DSCAM: variants seen among roughly 807,000 people sequenced by gnomAD.
DSCAM encodes the protein cell adhesion molecule DSCAM.
DSCAM carries 47 observed loss-of-function variants against 217.7 expected under a neutral mutation model. That is an observed-to-expected ratio of 0.22 (90% CI 0.17 to 0.28). DSCAM has a LOEUF of 0.28. Among genes scored for constraint, DSCAM ranks in the 10% least tolerant of loss-of-function variants. DSCAM has a pLI of 1.00. For missense variants in DSCAM, 2,080 were observed against 2,618.3 expected (o/e 0.79, Z 4.49); for synonymous variants, 1,056 against 1,015.3 (o/e 1.04, Z -0.76).
At chr21:40,518,710 A>G (rs1171381113) in intron 3 of DSCAM, among the ~76,000 whole-genome samples, 1 of 145,740 alleles carries the variant, frequency 6.9e-6, no homozygotes, top group Non-Finnish European at 1.5e-5. Context: ...ATATACACAC[A>G]CACCACCTAA....
chr21:40,338,705 C>T (rs1217789374), intron 7 of DSCAM, among the ~76,000 whole-genome samples: 2 of 152,170 alleles, frequency 1.3e-5, no homozygotes, highest in African/African-American at 4.8e-5. Flanking sequence ...AACACACTGG[C>T]AGCAATTGAT....
chr21:40,037,960 C>T (rs1049941601), intron 32 of DSCAM, among the ~76,000 whole-genome samples: 2 of 145,800 alleles, frequency 1.4e-5, no homozygotes, highest in African/African-American at 5.1e-5. Flanking sequence ...AACTGGCTAG[C>T]CATATGTAGA....
intron 1 of DSCAM, among the ~76,000 whole-genome samples, chr21:40,830,847 G>C (rs1473622012): frequency 6.6e-6 from 1 of 152,170 alleles, no homozygotes; most frequent in Non-Finnish European, 1.5e-5. Flanking sequence ...GATTCTGTCA[G>C]TATTACCATA....
At chr21:40,133,307 A>C (rs2090172848) in intron 19 of DSCAM, among the ~76,000 whole-genome samples, 1 of 152,240 alleles carries the variant, frequency 6.6e-6, no homozygotes, top group Admixed American at 6.5e-5. Flanking sequence ...TTGTTGTAGA[A>C]CAAAATGAGC....
At chr21:40,784,983 T>C (rs2091580267) in intron 1 of DSCAM, among the ~76,000 whole-genome samples, 1 of 152,202 alleles carries the variant, frequency 6.6e-6, no homozygotes, top group East Asian at 1.9e-4. Context: ...TTTATATCCA[T>C]TTAAAATATA....
intron 4 of DSCAM, among the ~76,000 whole-genome samples, chr21:40,354,776 G>A (rs2074672614): frequency 1.3e-5 from 2 of 150,312 alleles, no homozygotes; most frequent in African/African-American, 4.9e-5. Context: ...ATGAACCTGG[G>A]AGGCAGAGCT....
intron 28 of DSCAM, among the ~76,000 whole-genome samples, chr21:40,057,087 C>A (rs2089037554): frequency 6.6e-6 from 1 of 152,154 alleles, no homozygotes; most frequent in South Asian, 2.1e-4. Context: ...CAAATTATCC[C>A]ATGAAAAAGA....
chr21:40,296,649 C>T (rs1048384865), intron 9 of DSCAM, among the ~76,000 whole-genome samples: 1 of 151,720 alleles, frequency 6.6e-6, no homozygotes, highest in African/African-American at 2.4e-5. Flanking sequence ...CTGACCAACA[C>T]GGAGAAACCC....
chr21:40,497,714 G>C (rs2076130644), intron 3 of DSCAM, among the ~76,000 whole-genome samples: 1 of 152,108 alleles, frequency 6.6e-6, no homozygotes. Context: ...AAAACATCCT[G>C]TTGTACACAA....
intron 11 of DSCAM, among the ~76,000 whole-genome samples, chr21:40,261,434 CA>C (rs2073448653): frequency 5.3e-5 from 8 of 152,038 alleles, no homozygotes; most frequent in Admixed American, 6.6e-5. Context: ...CTGAAAAGAA[CA>C]AAAAGATTGA....
intron 2 of DSCAM, among the ~76,000 whole-genome samples, chr21:40,705,062 G>A (rs1260433735): frequency 1.3e-5 from 2 of 152,172 alleles, no homozygotes; most frequent in Non-Finnish European, 2.9e-5. Flanking sequence ...GGATGATTTA[G>A]CAGGATTCTT....
At chr21:40,292,676 A>G (rs1380499398) in intron 10 of DSCAM, among the ~76,000 whole-genome samples, 3 of 152,146 alleles carry the variant, frequency 2.0e-5, no homozygotes, top group Admixed American at 1.3e-4. Context: ...ATTTATCCCC[A>G]GGGATAAATG....
At chr21:40,304,084 C>T (rs569363329) in intron 9 of DSCAM, among the ~76,000 whole-genome samples, 6 of 152,336 alleles carry the variant, frequency 3.9e-5, no homozygotes, top group African/African-American at 1.4e-4. Context: ...CATCAGTCCA[C>T]TGTCATAAGA....
chr21:40,380,979 C>T (rs1471036622), intron 3 of DSCAM, among the ~76,000 whole-genome samples: 2 of 137,682 alleles, frequency 1.5e-5, no homozygotes, highest in Non-Finnish European at 3.1e-5. Context: ...AGGAGAATGG[C>T]GGGAACCCGG....
At chr21:40,615,668 A>T (rs188972795) in intron 3 of DSCAM, among the ~76,000 whole-genome samples, 5 of 152,204 alleles carry the variant, frequency 3.3e-5, no homozygotes, top group Admixed American at 1.3e-4. Flanking sequence ...AAAGCAGGGT[A>T]CCTCAGACCA....
intron 20 of DSCAM, among the ~76,000 whole-genome samples, chr21:40,097,333 G>A (rs2089688808): frequency 6.6e-6 from 1 of 152,032 alleles, no homozygotes; most frequent in Admixed American, 6.6e-5. Context: ...AGTACACTAA[G>A]ATGTTAAAAG....
At chr21:40,522,651 G>C (rs150287007) in intron 3 of DSCAM, among the ~76,000 whole-genome samples, 2 of 152,134 alleles carry the variant, frequency 1.3e-5, no homozygotes, top group Non-Finnish European at 2.9e-5. Context: ...AAACAGAATT[G>C]ATCAGCTGAT....
chr21:40,204,603 C>T (rs767642371), intron 11 of DSCAM, among the ~76,000 whole-genome samples: 3 of 152,058 alleles, frequency 2.0e-5, no homozygotes, highest in Non-Finnish European at 2.9e-5. Flanking sequence ...TATGGAGATA[C>T]AAAATAACAC....
intron 3 of DSCAM, among the ~76,000 whole-genome samples, chr21:40,681,897 G>C (rs544121601): frequency 6.6e-6 from 1 of 152,146 alleles, no homozygotes; most frequent in Non-Finnish European, 1.5e-5. Context: ...AGGACCGCAG[G>C]CAACACCAGG....
Sources: allele counts gnomAD v4.1 joint callset (sites outside exome capture counted in the v4.1 genomes callset), GRCh38; gene constraint gnomAD v4.1.1; transcripts MANE v1.5; gene names NCBI Gene and HGNC (gene_info 2026-07-23, HGNC 2026-07-21).